LRRC8E: variants seen among roughly 807,000 people sequenced by gnomAD.
LRRC8E encodes the protein leucine rich repeat containing 8 VRAC subunit E, also known as volume-regulated anion channel subunit LRRC8E.
LRRC8E carries 6 observed loss-of-function variants against 6.1 expected under a neutral mutation model. The observed-to-expected ratio is 0.98, with a 90% CI of 0.54 to 1.93. The LOEUF (loss-of-function observed/expected upper bound fraction) is 1.93, where lower values mean the gene tolerates loss of function less well. Among genes scored for constraint, LRRC8E ranks in the 30% most tolerant of loss-of-function variants. The pLI is 0.01. For missense variants in LRRC8E, 1,028 were observed against 1,031.4 expected (o/e 1.00, Z 0.04); for synonymous variants, 485 against 472.8 (o/e 1.03, Z -0.33).
Position 7,900,338 on chromosome 19 carries a change from G to A in LRRC8E, c.1816G>A (p.Ala606Thr). ...RIPHAVFSLG[A>T]LQELDLKDNH... Reference sequence around the variant, plus strand: ...CCCCCATGCAGTGTTCAGCCTGGGTGCGCTGCAGGAACTTGACCTCAAGGA... The same window carrying A: ...CCCCCATGCAGTGTTCAGCCTGGGTACGCTGCAGGAACTTGACCTCAAGGA... Residue 606 changes from alanine to threonine, a missense_variant, in exon 3 of 3, where the codon GCG (alanine) becomes ACG (threonine). Transcript: ENST00000306708. This position sits in a 1 kb window ranked among gnomAD's most constrained non-coding sequence, Gnocchi z 5.0. 1 of 1,613,260 alleles carries A rather than the reference G, an allele frequency of 6.2e-7. No individual in the cohort carries two copies. Among genetic ancestry groups the A allele is most frequent in the Non-Finnish European group, 8.5e-7 (1 of 1,179,988 alleles).
rs1299990800 is a variant in LRRC8E at position 7,899,940 on chromosome 19, G to A, written c.1418G>A (p.Arg473Lys). The change falls in exon 3 of 3, where the codon AGG (arginine) becomes AAG (lysine). Residue 473 changes from arginine to lysine, a missense_variant. Arg to Lys is a conservative substitution (Grantham distance 26). Coordinates refer to ENST00000306708, the MANE Select transcript of LRRC8E (RefSeq NM_025061.6). ...QELSLLHSPA[R>K]LPFSLQVFLR... ...CTCAGCTTGCTCCACTCGCCCGCCA[G>A]GCTACCCTTCTCCTTGCAGGTCTTC... 3 of 1,609,058 alleles carry A rather than the reference G, an allele frequency of 1.9e-6. No individual in the cohort carries two copies. Among genetic ancestry groups the A allele is most frequent in the Admixed American group, 3.3e-5 (2 of 60,012 alleles).
intron 2 of LRRC8E, among the ~76,000 whole-genome samples, chr19:7,898,317 C>A (rs117618138): frequency 0.038 from 5,727 of 152,098 alleles, 327 homozygotes; most frequent in Admixed American, 0.13. Flanking sequence ...GGTCTCCCAC[C>A]TTCAGCCTGC....
rs763062073 is a variant in LRRC8E at position 7,900,422 on chromosome 19, A to G, written c.1900A>G (p.Thr634Ala). ...CTTCCAGCACTGCCGGAAGCTGGTC[A>G]CGCTCAGGCTGTGGCACAACCAGAT... ...LSFQHCRKLV[T>A]LRLWHNQIAY... Residue 634 changes from threonine to alanine, a missense_variant, in exon 3 of 3, where the codon ACG (threonine) becomes GCG (alanine). Transcript: ENST00000306708. This position sits in a 1 kb window ranked among gnomAD's most constrained non-coding sequence, Gnocchi z 5.0. The G allele has an allele frequency of 1.1e-4, 177 of 1,612,922 alleles. 1 individual carries two copies. In the Middle Eastern group the frequency reaches 1.3e-3, roughly 12 times the overall value.
chr19:7,897,779 C>A (rs1235211958), intron 2 of LRRC8E, among the ~76,000 whole-genome samples: 1 of 152,056 alleles, frequency 6.6e-6, no homozygotes, highest in Non-Finnish European at 1.5e-5. Flanking sequence ...TTTGTCTTGA[C>A]TACCTCTGCA....
chr19:7,896,832 C>T (rs1357888924), intron 2 of LRRC8E, among the ~76,000 whole-genome samples: 1 of 152,034 alleles, frequency 6.6e-6, no homozygotes, highest in African/African-American at 2.4e-5. Context: ...GGGCCTCAAG[C>T]CATCCTCCCA....
In LRRC8E at chr19:7,899,306, A is replaced by G; in HGVS notation, c.784A>G (p.Lys262Glu). 1 of 1,614,202 alleles carries G rather than the reference A, an allele frequency of 6.2e-7. No individual in the cohort carries two copies. The highest frequency in any genetic ancestry group is 8.5e-7 in the Non-Finnish European group (1 of 1,180,034). The change falls in exon 3 of 3, where the codon AAA (lysine) becomes GAA (glutamate). Residue 262 changes from lysine (K) to glutamate (E), a missense_variant. Lys to Glu is a moderately conservative substitution (Grantham distance 56). Coordinates refer to ENST00000306708, the MANE Select transcript of LRRC8E (RefSeq NM_025061.6). ...CATGTACATCCGACAGACGGTGCTG[A>G]AAGTGTGTAAGTTCCTGGCCATCCT... ...YTMYIRQTVL[K>E]VCKFLAILVY... is the part of the protein sequence containing the mutation.
At chr19:7,898,077 G>A (rs1274387439) in intron 2 of LRRC8E, among the ~76,000 whole-genome samples, 2 of 152,040 alleles carry the variant, frequency 1.3e-5, no homozygotes, top group African/African-American at 4.8e-5. Context: ...AGGCGTGGTA[G>A]TGCGTGCTTG....
At position 7,900,238 on chromosome 19, in the gene LRRC8E, G is replaced by C. The variant is rs765963181; in HGVS notation, c.1716G>C (p.Leu572=). 1 of 1,613,292 alleles carries C rather than the reference G, an allele frequency of 6.2e-7. No individual in the cohort carries two copies. The highest frequency in any genetic ancestry group is 8.5e-7 in the Non-Finnish European group (1 of 1,180,030). ...RLSLHNDGAR[L]VALNSLKKLA... ...GCCTGCACAACGATGGGGCCCGTCT[G>C]GTTGCCCTGAACAGCCTCAAGAAGC... The change falls in exon 3 of 3, where the codon CTG becomes CTC. Residue 572 remains leucine, a synonymous_variant. Transcript: ENST00000306708. The surrounding 1 kb of genome is among the most constrained non-coding windows in gnomAD (Gnocchi z 5.0).
rs557602029 is a variant in LRRC8E at position 7,900,393 on chromosome 19, TC to T, written c.1872del (p.Ser625AlafsTer110). On this transcript the variant is annotated frameshift_variant, in exon 3 of 3. Transcript: ENST00000306708. LOFTEE classifies it low-confidence loss of function (END_TRUNC). This position sits in a 1 kb window ranked among gnomAD's most constrained non-coding sequence, Gnocchi z 5.0. Reference sequence around the variant, plus strand: ...CACCTGCGCTCCATCGAGGAAATCCTCAGCTTCCAGCACTGCCGGAAGCTGG... The same window carrying T: ...CACCTGCGCTCCATCGAGGAAATCCTAGCTTCCAGCACTGCCGGAAGCTGG... ...DNHLRSIEEI[L>X]SFQHCRKLVT... 1.9e-6 allele frequency: 3 copies of T among 1,612,894 alleles called. No individual in the cohort carries two copies. The highest frequency in any genetic ancestry group is 2.5e-6 in the Non-Finnish European group (3 of 1,179,850).
Position 7,899,784 on chromosome 19 carries a change from T to C in LRRC8E, c.1262T>C (p.Leu421Pro). The C allele has an allele frequency of 3.7e-6, 6 of 1,609,792 alleles. No homozygotes were observed. The highest frequency in any genetic ancestry group is 5.1e-6 in the Non-Finnish European group (6 of 1,179,998). Residue 421 changes from leucine to proline, a missense_variant, in exon 3 of 3, where the codon CTG (leucine) becomes CCG (proline). By Grantham distance (98) the Leu-to-Pro change is moderately conservative. Coordinates refer to ENST00000306708, the MANE Select transcript of LRRC8E (RefSeq NM_025061.6). ...CGCAATGCCGCGGGCCGGCTGGAGCTGGCCCTCTGCATGCTGCCGGGTCTG... is the reference window on the plus strand; with the variant it reads ...CGCAATGCCGCGGGCCGGCTGGAGCCGGCCCTCTGCATGCTGCCGGGTCTG... ...LQRNAAGRLE[L>P]ALCMLPGLPD... is the part of the protein sequence containing the mutation.
In LRRC8E at chr19:7,900,949, A is replaced by T. The variant is rs1981977444; in HGVS notation, c.*36A>T. On this transcript the variant is annotated 3_prime_UTR_variant, in exon 3 of 3. Transcript: ENST00000306708. This position sits in a 1 kb window ranked among gnomAD's most constrained non-coding sequence, Gnocchi z 5.0. ...GGGCCGTTTTAGGTAGAGCCTTAAA[A>T]ATGCTTCTGCCCTGGAATCTCAACC... is the stretch of plus-strand genomic sequence containing the variant. 2.0e-6 allele frequency: 3 copies of T among 1,469,532 alleles called. No individual in the cohort carries two copies. Among genetic ancestry groups the T allele is most frequent in the Non-Finnish European group, 2.7e-6 (3 of 1,104,276 alleles). The allele number at this position is 1,469,532 out of a possible 1,614,324, so 91.0% of individuals were successfully genotyped here. A position where few individuals can be genotyped will look rare whatever the true frequency, so the allele number is the denominator to read the frequency against.
At position 7,895,323 on chromosome 19, in the gene LRRC8E, C is replaced by T; in HGVS notation, c.-5-276C>T. On this transcript the variant is annotated intron_variant, in intron 1 of 2. Transcript: ENST00000306708. This position sits in a 1 kb window ranked among gnomAD's most constrained non-coding sequence, Gnocchi z 4.7. Reference sequence around the variant, plus strand: ...AGGGCGGCGGCCCTGTGGACTATCCCTCATGTGCTCTTCGAGGTCAGACAA... The same window carrying T: ...AGGGCGGCGGCCCTGTGGACTATCCTTCATGTGCTCTTCGAGGTCAGACAA... 2.3e-6 allele frequency: 1 copy of T among 428,854 alleles called. No individual in the cohort carries two copies. The highest frequency in any genetic ancestry group is 3.1e-5 in the South Asian group (1 of 32,578). The allele number at this position is 428,854 out of a possible 1,614,324, so 26.6% of individuals were successfully genotyped here. A position where few individuals can be genotyped will look rare whatever the true frequency, so the allele number is the denominator to read the frequency against.
At position 7,900,647 on chromosome 19, in the gene LRRC8E, A is replaced by G. The variant is rs1568269136; in HGVS notation, c.2125A>G (p.Asn709Asp). 6.2e-7 allele frequency: 1 copy of G among 1,613,258 alleles called. No homozygotes were observed. The highest frequency in any genetic ancestry group is 1.3e-5 in the African/African-American group (1 of 74,932). Residue 709 changes from asparagine (N) to aspartate (D), a missense_variant, in exon 3 of 3, where the codon AAT becomes GAT. Asn to Asp is a conservative substitution (Grantham distance 23). Coordinates refer to ENST00000306708, the MANE Select transcript of LRRC8E (RefSeq NM_025061.6). This position sits in a 1 kb window ranked among gnomAD's most constrained non-coding sequence, Gnocchi z 5.0. ...QNLQHLALSY[N>D]ALEALPEELF... ...CCTACAGCACCTGGCCCTCTCCTAC[A>G]ATGCCCTGGAGGCCCTGCCCGAAGA...
rs556208936 is a variant in LRRC8E, at chr19:7,889,754, C to CTT, written c.-6+1166_-6+1167dup. On this transcript the variant is annotated intron_variant, in intron 1 of 2. Coordinates refer to ENST00000306708, the MANE Select transcript of LRRC8E (RefSeq NM_025061.6). ...CAAGACTCTATCTCTCTCTCTCTCT[C>CTT]TTTTTTTTTTTTTCAAGATAGAGTC... is the stretch of plus-strand genomic sequence containing the variant. 7.6e-3 allele frequency among the ~76,000 whole-genome samples: 922 copies of CTT among 120,940 alleles called. 14 individuals carry two copies. The highest frequency in any genetic ancestry group is 0.023 in the African/African-American group (837 of 36,564). The allele number at this position is 120,940 out of a possible 152,430, so 79.3% of individuals were successfully genotyped here.
chr19:7,897,612 C>G (rs1041331150), intron 2 of LRRC8E, among the ~76,000 whole-genome samples: 2 of 150,792 alleles, frequency 1.3e-5, no homozygotes, highest in Non-Finnish European at 3.0e-5. Flanking sequence ...CTTGGCCCCC[C>G]CTCCCACTGC....
In LRRC8E at chr19:7,900,361, G is replaced by A. The variant is rs369819900; in HGVS notation, c.1839G>A (p.Lys613=). Residue 613 remains lysine (K), a synonymous_variant, in exon 3 of 3, where the codon AAG becomes AAA. Transcript: ENST00000306708. The surrounding 1 kb of genome is among the most constrained non-coding windows in gnomAD (Gnocchi z 5.0). Reference sequence around the variant, plus strand: ...GTGCGCTGCAGGAACTTGACCTCAAGGACAACCACCTGCGCTCCATCGAGG... The same window carrying A: ...GTGCGCTGCAGGAACTTGACCTCAAAGACAACCACCTGCGCTCCATCGAGG... ...SLGALQELDL[K]DNHLRSIEEI... is the part of the protein sequence containing the mutation. 2 of 1,612,962 alleles carry A rather than the reference G, an allele frequency of 1.2e-6. No individual in the cohort carries two copies. The highest frequency in any genetic ancestry group is 1.7e-6 in the Non-Finnish European group (2 of 1,179,928).
At chr19:7,898,420 C>T (rs146116642) in intron 2 of LRRC8E, among the ~76,000 whole-genome samples, 377 of 152,108 alleles carry the variant, frequency 2.5e-3, no homozygotes, top group Non-Finnish European at 4.2e-3. Flanking sequence ...AGTACAATGG[C>T]GCGATCTCGG....
At chr19:7,896,952 A>G (rs948837080) in intron 2 of LRRC8E, among the ~76,000 whole-genome samples, 1 of 152,158 alleles carries the variant, frequency 6.6e-6, no homozygotes, top group East Asian at 1.9e-4. Context: ...TGCAGTTGCT[A>G]TATGAGTTTG....
chr19:7,900,188 G>A lies in LRRC8E; in HGVS notation c.1666G>A (p.Val556Ile), dbSNP rs372027576. Residue 556 changes from valine (V) to isoleucine (I), a missense_variant, in exon 3 of 3, where the codon GTT (valine) becomes ATT (isoleucine). Transcript: ENST00000306708. This position sits in a 1 kb window ranked among gnomAD's most constrained non-coding sequence, Gnocchi z 5.0. ...AGKVPASVTDVAGHLQRLSLH... is the reference protein window; with the variant it reads ...AGKVPASVTDIAGHLQRLSLH... ...GAAGGTGCCAGCCAGTGTGACCGACGTTGCTGGCCACCTGCAGAGGCTCAG... is the reference window on the plus strand; with the variant it reads ...GAAGGTGCCAGCCAGTGTGACCGACATTGCTGGCCACCTGCAGAGGCTCAG... 31 of 1,612,836 alleles carry A rather than the reference G, an allele frequency of 1.9e-5. No homozygotes were observed. The highest frequency in any genetic ancestry group is 1.3e-4 in the African/African-American group (10 of 74,928).
Sources: gnomAD v4.1 joint callset for allele counts (sites outside exome capture counted in the v4.1 genomes callset) on GRCh38, gnomAD v4.1.1 for gene constraint, Gnocchi (gnomAD v3.1) non-coding constraint, MANE v1.5 for transcripts, NCBI Gene and HGNC (gene_info 2026-07-23, HGNC 2026-07-21) for gene names.